Variants in ANO2 observed in about 807,000 individuals in gnomAD.
ANO2 encodes the protein anoctamin 2, also known as anoctamin-2.
ANO2 carries 101 observed loss-of-function variants against 124.2 expected under a neutral mutation model. The observed-to-expected ratio is 0.81, with a 90% CI of 0.69 to 0.96. The LOEUF (loss-of-function observed/expected upper bound fraction) is 0.96. ANO2 is among the 40% of genes least tolerant of loss of function. The pLI, the probability that ANO2 is intolerant of heterozygous loss-of-function variation, is 0.00. For missense variants in ANO2, 1,293 were observed against 1,274.5 expected (o/e 1.01, Z -0.22); for synonymous variants, 486 against 482.5 (o/e 1.01, Z -0.09).
At chr12:5,784,351 C>A (rs1375573040) in intron 10 of ANO2, among the ~76,000 whole-genome samples, 5 of 152,198 alleles carry the variant, frequency 3.3e-5, no homozygotes, top group Non-Finnish European at 7.3e-5. Flanking sequence ...TATCAATCAC[C>A]TTTTCCAACT....
At chr12:5,842,651 T>C (rs896883981) in intron 4 of ANO2, among the ~76,000 whole-genome samples, 1 of 152,216 alleles carries the variant, frequency 6.6e-6, no homozygotes, top group African/African-American at 2.4e-5. Flanking sequence ...CCAGGCACTG[T>C]TGTGGGTGCT....
In ANO2 at chr12:5,615,256, G is replaced by A; in HGVS notation, c.1858C>T (p.Leu620Phe). ...ACAAACTTGAGCAAGAAAGCTTTGA[G>A]GATCAGGCGCTCTTCAAAAGTCTGT... is the stretch of plus-strand genomic sequence containing the variant. ...TEQTFEERLILKAFLLKFVNA... is the reference protein window; with the variant it reads ...TEQTFEERLIFKAFLLKFVNA... The change falls in exon 17 of 25, where the codon CTC becomes TTC. Residue 620 changes from leucine to phenylalanine, a missense_variant. Transcript: ENST00000682330. 6.2e-7 allele frequency: 1 copy of A among 1,613,688 alleles called. No individual in the cohort carries two copies.
chr12:5,661,806 G>A (rs79589385), intron 14 of ANO2, among the ~76,000 whole-genome samples: 1 of 152,212 alleles, frequency 6.6e-6, no homozygotes, highest in African/African-American at 2.4e-5. Context: ...GGGCAATGCT[G>A]GGAAATGCTG....
At chr12:5,625,806 C>T (rs887218473) in intron 16 of ANO2, among the ~76,000 whole-genome samples, 3 of 152,056 alleles carry the variant, frequency 2.0e-5, no homozygotes, top group Admixed American at 6.5e-5. Flanking sequence ...ATATGATTCA[C>T]GAGGCTTTGA....
At position 5,599,416 on chromosome 12, in the gene ANO2, C is replaced by T. The variant is rs534001124; in HGVS notation, c.2233+68G>A. The T allele has an allele frequency of 2.8e-4, 423 of 1,520,588 alleles. 5 individuals carry two copies. In the South Asian group the frequency reaches 5.1e-3, roughly 18 times the overall value. 94.2% of individuals were successfully genotyped at this position (1,520,588 alleles called of 1,614,324 possible). A position where few individuals can be genotyped will look rare whatever the true frequency, so the allele number is the denominator to read the frequency against. On this transcript the variant is annotated intron_variant, in intron 20 of 24. Transcript: ENST00000682330. ...TCATTTTCCCCAATCCCCTACCTTC[C>T]CCCTTCAACCCCACAGACCCCTTGT...
At chr12:5,707,546 T>C (rs1949658908) in intron 14 of ANO2, among the ~76,000 whole-genome samples, 1 of 152,178 alleles carries the variant, frequency 6.6e-6, no homozygotes, top group South Asian at 2.1e-4. Flanking sequence ...GTGGTGCATT[T>C]AGAAAGCATC....
At chr12:5,639,382 T>C (rs1591796201) in intron 15 of ANO2, among the ~76,000 whole-genome samples, 1 of 152,288 alleles carries the variant, frequency 6.6e-6, no homozygotes, top group African/African-American at 2.4e-5. Flanking sequence ...GTCTCAGTTC[T>C]AGGTTCCAGT....
chr12:5,758,249 T>C (rs1192332289), intron 10 of ANO2, among the ~76,000 whole-genome samples: 1 of 152,100 alleles, frequency 6.6e-6, no homozygotes, highest in African/African-American at 2.4e-5. Context: ...CTGTTACTGC[T>C]GAGGAAGGGC....
chr12:5,817,502 A>G (rs1300649510), intron 7 of ANO2, among the ~76,000 whole-genome samples: 1 of 152,228 alleles, frequency 6.6e-6, no homozygotes, highest in Non-Finnish European at 1.5e-5. Context: ...TGTAGAAAAC[A>G]AGCAAGAAAG....
At chr12:5,931,283 A>G (rs973759043) in intron 1 of ANO2, among the ~76,000 whole-genome samples, 23 of 152,074 alleles carry the variant, frequency 1.5e-4, no homozygotes, top group African/African-American at 5.5e-4. Context: ...CCACACCATC[A>G]TGCCAGGCTC....
Position 5,565,700 on chromosome 12 carries a change from G to T in ANO2, c.2622-37C>A, listed in dbSNP as rs368327905. 1.7e-5 allele frequency: 25 copies of T among 1,508,744 alleles called. 2 individuals are homozygous for T. In the South Asian group the frequency reaches 2.7e-4, roughly 17 times the overall value. 93.5% of individuals were successfully genotyped at this position (1,508,744 alleles called of 1,614,324 possible). A position where few individuals can be genotyped will look rare whatever the true frequency, so the allele number is the denominator to read the frequency against. On this transcript the variant is annotated intron_variant, in intron 23 of 24. Coordinates refer to ENST00000682330, the MANE Select transcript of ANO2 (RefSeq NM_001364791.2). ...GAAATGTGGTGTTAAGATCAGGAGC[G>T]CATGGAGAAAAGGGTGGTCATTCTC...
intron 1 of ANO2, among the ~76,000 whole-genome samples, chr12:5,934,886 G>A (rs1038128993): frequency 1.3e-5 from 2 of 152,018 alleles, no homozygotes; most frequent in Non-Finnish European, 2.9e-5. Flanking sequence ...CTCCAAAGTA[G>A]GAATAGGTTT....
chr12:5,894,249 GT>G (rs913622462), intron 3 of ANO2, among the ~76,000 whole-genome samples: 3 of 151,922 alleles, frequency 2.0e-5, no homozygotes, highest in Admixed American at 2.0e-4. Context: ...GTGGTGATGA[GT>G]TTTTTTTCAT....
intron 5 of ANO2, among the ~76,000 whole-genome samples, chr12:5,831,355 C>T (rs781218447): frequency 6.6e-6 from 1 of 152,150 alleles, no homozygotes; most frequent in Non-Finnish European, 1.5e-5. Context: ...TCTTGAAGGA[C>T]AACAGAAGTA....
At chr12:5,667,414 A>C (rs251771) in intron 14 of ANO2, among the ~76,000 whole-genome samples, 21,873 of 151,884 alleles carry the variant, frequency 0.14, 1,785 homozygotes, top group African/African-American at 0.22. Context: ...ACATTGACCT[A>C]ATGAAGACTC....
intron 14 of ANO2, among the ~76,000 whole-genome samples, chr12:5,705,377 G>A (rs144969042): frequency 6.6e-6 from 1 of 152,332 alleles, no homozygotes; most frequent in East Asian, 1.9e-4. Flanking sequence ...TAAACAAACA[G>A]CAAAGATACA....
intron 10 of ANO2, among the ~76,000 whole-genome samples, chr12:5,772,553 A>C (rs1470388630): frequency 6.6e-6 from 1 of 152,204 alleles, no homozygotes; most frequent in Non-Finnish European, 1.5e-5. Flanking sequence ...GATAAATTTT[A>C]ATCTAAGTTT....
intron 16 of ANO2, among the ~76,000 whole-genome samples, chr12:5,627,011 T>C (rs1381233706): frequency 6.6e-6 from 1 of 152,196 alleles, no homozygotes; most frequent in Non-Finnish European, 1.5e-5. Context: ...AAATGAGAGA[T>C]GTGTTCATGG....
intron 3 of ANO2, among the ~76,000 whole-genome samples, chr12:5,886,322 T>G (rs1047428199): frequency 2.0e-5 from 3 of 152,202 alleles, no homozygotes; most frequent in African/African-American, 7.2e-5. Flanking sequence ...ATCCTGCCAT[T>G]TGTGACATCG....
Sources: allele counts gnomAD v4.1 joint callset (sites outside exome capture counted in the v4.1 genomes callset), GRCh38; gene constraint gnomAD v4.1.1; transcripts MANE v1.5; gene names NCBI Gene and HGNC (gene_info 2026-07-23, HGNC 2026-07-21).